The following SDK1 variants were observed in gnomAD, a reference collection of about 807,000 sequenced individuals.
The protein encoded by SDK1 is sidekick cell adhesion molecule 1, also known as protein sidekick-1.
A neutral mutation model predicts 245.5 loss-of-function variants in SDK1; 157 were observed. The ratio of observed to expected loss-of-function variants is 0.64; its 90% CI spans 0.56 to 0.73. The LOEUF is 0.73. Ranked by LOEUF, SDK1 falls within the 30% of genes least tolerant of loss-of-function variation. The probability of loss-of-function intolerance (pLI) is 0.00; values close to 1 mark genes in which losing one functional copy is unlikely to be tolerated. For missense variants in SDK1, 3,583 were observed against 3,002.3 expected, an observed-to-expected ratio of 1.19 and a Z score of -4.52; for synonymous variants, 1,647 against 1,278.5, an observed-to-expected ratio of 1.29 and a Z score of -6.15.
chr7:3,999,167 A>G (rs1337986469), intron 14 of SDK1, among the ~76,000 whole-genome samples: 3 of 152,072 alleles, frequency 2.0e-5, no homozygotes, highest in Admixed American at 6.6e-5. Context: ...TCATGTCACC[A>G]TACTTTAAGG....
chr7:4,158,246 G>A (rs571328065), intron 30 of SDK1, among the ~76,000 whole-genome samples: 1 of 152,326 alleles, frequency 6.6e-6, no homozygotes, highest in East Asian at 1.9e-4. Flanking sequence ...TCTCCTTCAA[G>A]CCCCTGCTCA....
At chr7:3,780,414 A>G (rs1017742693) in intron 4 of SDK1, among the ~76,000 whole-genome samples, 1 of 152,256 alleles carries the variant, frequency 6.6e-6, no homozygotes, top group Non-Finnish European at 1.5e-5. Context: ...GGCAGAGGTC[A>G]TGGTTACCAG....
At chr7:3,623,206 G>A (rs1372097174) in intron 2 of SDK1, among the ~76,000 whole-genome samples, 1 of 149,906 alleles carries the variant, frequency 6.7e-6, no homozygotes, top group Non-Finnish European at 1.5e-5. Flanking sequence ...TTTGCTGTGT[G>A]CGTTACACAC....
intron 4 of SDK1, among the ~76,000 whole-genome samples, chr7:3,678,276 C>A (rs967274309): frequency 2.0e-5 from 3 of 152,036 alleles, no homozygotes; most frequent in Admixed American, 2.0e-4. Context: ...AGGTATATAC[C>A]CCAAATAATT....
intron 14 of SDK1, among the ~76,000 whole-genome samples, chr7:4,010,405 T>G (rs1785848285): frequency 6.6e-6 from 1 of 152,198 alleles, no homozygotes; most frequent in Non-Finnish European, 1.5e-5. Context: ...GAAGATATTC[T>G]AAGCTCGCTG....
intron 44 of SDK1, among the ~76,000 whole-genome samples, chr7:4,251,227 C>G (rs1368903951): frequency 6.6e-6 from 1 of 152,168 alleles, no homozygotes; most frequent in East Asian, 1.9e-4. Flanking sequence ...TCTGGGATCC[C>G]CAAGAGCACT....
intron 1 of SDK1, among the ~76,000 whole-genome samples, chr7:3,481,934 G>A (rs534302396): frequency 5.3e-5 from 8 of 152,074 alleles, no homozygotes; most frequent in South Asian, 2.1e-4. Context: ...CAAATCAGCC[G>A]TCCTTTATGG....
Position 4,265,335 on chromosome 7 carries a change from C to G in SDK1, c.6593C>G (p.Ala2198Gly). The G allele has an allele frequency of 4.1e-6, 6 of 1,476,678 alleles. No homozygotes were observed. Among genetic ancestry groups the G allele is most frequent in the Non-Finnish European group, 5.3e-6 (6 of 1,127,182 alleles). 91.5% of individuals were successfully genotyped at this position (1,476,678 alleles called of 1,614,324 possible). A position where few individuals can be genotyped will look rare whatever the true frequency, so the allele number is the denominator to read the frequency against. Residue 2198 changes from alanine (A) to glycine (G), a missense_variant, in exon 45 of 45, where the codon GCT (alanine) becomes GGT (glycine). Coordinates refer to ENST00000404826, the MANE Select transcript of SDK1 (RefSeq NM_152744.4). ...TQSAGGVYTP[A>G]GPGARTPLTG... The stretch of plus-strand genomic sequence containing the variant: ...AGCGCGGGCGGCGTCTACACCCCCG[C>G]TGGCCCCGGCGCGCGAACTCCGCTC...
intron 1 of SDK1, among the ~76,000 whole-genome samples, chr7:3,616,209 C>A (rs1781766892): frequency 6.6e-6 from 1 of 151,940 alleles, no homozygotes; most frequent in Non-Finnish European, 1.5e-5. Flanking sequence ...AAGAGCTAAT[C>A]ATCATCATCA....
chr7:4,122,001 G>C (rs759013081), intron 25 of SDK1, among the ~76,000 whole-genome samples: 12 of 152,088 alleles, frequency 7.9e-5, no homozygotes, highest in Non-Finnish European at 1.3e-4. Context: ...TGGACATGTT[G>C]AATGCTGGAA....
intron 1 of SDK1, among the ~76,000 whole-genome samples, chr7:3,364,082 C>T (rs1169959224): frequency 6.6e-6 from 1 of 152,160 alleles, no homozygotes; most frequent in Non-Finnish European, 1.5e-5. Context: ...TGTTTGTCAT[C>T]TCTATATCCT....
At chr7:3,549,850 C>T (rs1010183941) in intron 1 of SDK1, among the ~76,000 whole-genome samples, 1 of 151,738 alleles carries the variant, frequency 6.6e-6, no homozygotes, top group African/African-American at 2.4e-5. Flanking sequence ...CTTTTTTTCC[C>T]ATAGGCATAG....
At chr7:3,981,493 A>G (rs953609159) in intron 13 of SDK1, among the ~76,000 whole-genome samples, 3 of 152,154 alleles carry the variant, frequency 2.0e-5, no homozygotes, top group Non-Finnish European at 4.4e-5. Flanking sequence ...TAAGGAAGGC[A>G]TATCGAAAGC....
chr7:3,817,853 A>C (rs544784251), intron 4 of SDK1, among the ~76,000 whole-genome samples: 3 of 152,378 alleles, frequency 2.0e-5, no homozygotes, highest in Admixed American at 2.0e-4. Flanking sequence ...AAGAATGGCC[A>C]GAAGCACTTA....
At chr7:3,716,127 A>G (rs1224266076) in intron 4 of SDK1, among the ~76,000 whole-genome samples, 1 of 151,848 alleles carries the variant, frequency 6.6e-6, no homozygotes, top group Non-Finnish European at 1.5e-5. Context: ...AAAAAAAAAA[A>G]AAATGAACAG....
intron 1 of SDK1, among the ~76,000 whole-genome samples, chr7:3,384,765 A>G (rs1042267877): frequency 2.6e-5 from 4 of 152,248 alleles, no homozygotes; most frequent in Non-Finnish European, 4.4e-5. Flanking sequence ...ATATACCAGT[A>G]TACATCAATA....
In SDK1 at chr7:4,221,289, C is replaced by A. The variant is rs138688738; in HGVS notation, c.5752C>A (p.Leu1918Met). The part of the protein sequence containing the change: ...DVLVTKSASE[L>M]TLQWTEGHSG... Reference sequence around the variant, plus strand: ...CCTGGTCACCAAGTCCGCCTCTGAACTGACGCTGCAGTGGACTGAGGGACA... The same window carrying A: ...CCTGGTCACCAAGTCCGCCTCTGAAATGACGCTGCAGTGGACTGAGGGACA... Residue 1918 changes from leucine to methionine, a missense_variant, in exon 40 of 45, where the codon CTG (leucine) becomes ATG (methionine). Coordinates refer to ENST00000404826, the MANE Select transcript of SDK1 (RefSeq NM_152744.4). 328 of 1,613,926 alleles carry A rather than the reference C, an allele frequency of 2.0e-4. 2 individuals carry two copies. In the African/African-American group the frequency reaches 3.9e-3, roughly 19 times the overall value.
chr7:3,633,120 A>G (rs1414454033), intron 2 of SDK1, among the ~76,000 whole-genome samples: 2 of 152,170 alleles, frequency 1.3e-5, no homozygotes, highest in Non-Finnish European at 1.5e-5. Flanking sequence ...GGTCCAAGGT[A>G]TGAAAGCTTA....
chr7:4,235,471 T>A (rs1315735788), intron 41 of SDK1, among the ~76,000 whole-genome samples: 2 of 152,166 alleles, frequency 1.3e-5, no homozygotes, highest in African/African-American at 4.8e-5. Context: ...GCTGACCACT[T>A]GATTTTTTAA....
Sources: gnomAD v4.1 joint callset for allele counts (sites outside exome capture counted in the v4.1 genomes callset) on GRCh38, gnomAD v4.1.1 for gene constraint, MANE v1.5 for transcripts, NCBI Gene and HGNC (gene_info 2026-07-23, HGNC 2026-07-21) for gene names.